Variants in SLC35F1 observed in about 807,000 individuals in gnomAD.
The protein encoded by SLC35F1 is chromosome 6 open reading frame 169.
A neutral mutation model predicts 48.7 loss-of-function variants in SLC35F1; 14 were observed. The ratio of observed to expected loss-of-function variants is 0.29; its 90% confidence interval spans 0.19 to 0.45. The LOEUF is 0.45. SLC35F1 is among the 20% of genes least tolerant of loss of function. The pLI is 1.00. For synonymous variants in SLC35F1, 190 were observed against 202.2 expected, an observed-to-expected ratio of 0.94 and a Z score of 0.51; for missense variants, 404 against 500.0, an observed-to-expected ratio of 0.81 and a Z score of 1.83.
At chr6:117,915,605 A>C (rs1416990733) in intron 1 of SLC35F1, among the ~76,000 whole-genome samples, 7 of 152,190 alleles carry the variant, frequency 4.6e-5, no homozygotes, top group Non-Finnish European at 1.0e-4. Flanking sequence ...ATACAAAGGG[A>C]AGAAGAGGGA....
At chr6:118,068,882 T>G (rs1244720209) in intron 1 of SLC35F1, among the ~76,000 whole-genome samples, 1 of 152,196 alleles carries the variant, frequency 6.6e-6, no homozygotes, top group Non-Finnish European at 1.5e-5. Flanking sequence ...ACAAATTCCA[T>G]TATTTTCTCT....
intron 3 of SLC35F1, among the ~76,000 whole-genome samples, chr6:118,245,165 T>G (rs1043851871): frequency 2.0e-5 from 3 of 152,244 alleles, no homozygotes; most frequent in African/African-American, 7.2e-5. Context: ...TTCTTTATAT[T>G]CTATAATCGA....
chr6:118,303,985 G>A (rs1201828463), intron 7 of SLC35F1, among the ~76,000 whole-genome samples: 1 of 152,168 alleles, frequency 6.6e-6, no homozygotes, highest in African/African-American at 2.4e-5. Flanking sequence ...AAGCACATCT[G>A]CAAACACTCT....
Position 118,212,751 on chromosome 6 carries a change from G to GA in SLC35F1, c.350-22756dup, listed in dbSNP as rs1329703636. On this transcript the variant is annotated intron_variant, in intron 2 of 7. Transcript: ENST00000360388. ...GAAAGGAAGGAAGGAAGGAAGGAAG[G>GA]AAGGAAGGAAGGAAGGAAGGAAGGA... 3.4e-4 allele frequency among the ~76,000 whole-genome samples: 49 copies of GA among 144,728 alleles called. 1 individual carries two copies. Among genetic ancestry groups the GA allele is most frequent in the African/African-American group, 1.1e-3 (44 of 38,804 alleles). The allele number at this position is 144,728 out of a possible 152,430, so 94.9% of individuals were successfully genotyped here.
At chr6:118,056,995 G>C (rs9401052) in intron 1 of SLC35F1, among the ~76,000 whole-genome samples, 37,590 of 151,880 alleles carry the variant, frequency 0.25, 4,857 homozygotes, top group East Asian at 0.35. Context: ...AGCAAACAAG[G>C]ATAGTAAGAA....
chr6:118,303,815 G>A (rs376131036), intron 7 of SLC35F1, among the ~76,000 whole-genome samples: 2 of 152,076 alleles, frequency 1.3e-5, no homozygotes, highest in South Asian at 4.1e-4. Context: ...TTGGACCATG[G>A]TCCCACCCTT....
chr6:118,305,807 C>A (rs771614932), intron 7 of SLC35F1, among the ~76,000 whole-genome samples: 1 of 152,142 alleles, frequency 6.6e-6, no homozygotes, highest in Non-Finnish European at 1.5e-5. Flanking sequence ...ATGACAATTA[C>A]GGTCCTCGTT....
intron 3 of SLC35F1, among the ~76,000 whole-genome samples, chr6:118,254,667 A>G (rs281866): frequency 0.64 from 96,830 of 152,054 alleles, 31,413 homozygotes; most frequent in African/African-American, 0.73. Flanking sequence ...TTTTGAAATT[A>G]TTTCTCCATA....
At chr6:117,924,387 A>G (rs1205072989) in intron 1 of SLC35F1, among the ~76,000 whole-genome samples, 19 of 145,128 alleles carry the variant, frequency 1.3e-4, no homozygotes, top group African/African-American at 4.4e-4. Flanking sequence ...GCATATGTAT[A>G]TACACACATA....
chr6:118,292,811 A>G (rs1562353241), intron 7 of SLC35F1, among the ~76,000 whole-genome samples: 1 of 151,860 alleles, frequency 6.6e-6, no homozygotes, highest in African/African-American at 2.4e-5. Context: ...GTAAAGCCCC[A>G]TGTTCCTGGG....
intron 1 of SLC35F1, among the ~76,000 whole-genome samples, chr6:118,081,513 T>G (rs1772908215): frequency 6.6e-6 from 1 of 151,982 alleles, no homozygotes; most frequent in Admixed American, 6.6e-5. Flanking sequence ...CATGCACCTG[T>G]AGTCCCAGCT....
intron 7 of SLC35F1, among the ~76,000 whole-genome samples, chr6:118,310,307 T>C (rs1776358195): frequency 6.6e-6 from 1 of 152,190 alleles, no homozygotes; most frequent in African/African-American, 2.4e-5. Flanking sequence ...TCCTGATGTC[T>C]TTCCTTGGGG....
chr6:118,116,155 C>T (rs988637325), intron 1 of SLC35F1, among the ~76,000 whole-genome samples: 10 of 152,076 alleles, frequency 6.6e-5, no homozygotes, highest in African/African-American at 1.9e-4. Context: ...GCTCCCTGCC[C>T]GCAATAGGGA....
Position 117,978,902 on chromosome 6 carries a change from C to A in SLC35F1, c.173+71003C>A, listed in dbSNP as rs192774862. Among the ~76,000 whole-genome samples, 14 of 151,488 alleles carry A rather than the reference C, an allele frequency of 9.2e-5. No homozygotes were observed. In the East Asian group the frequency reaches 1.2e-3, roughly 13 times the overall value. ...GACATCCCATGTTTTATGTGACAAC[C>A]CTGCCCTCATCCTGTGGCTCATTTC... is the stretch of plus-strand genomic sequence containing the variant. On this transcript the variant is annotated intron_variant, in intron 1 of 7. Transcript: ENST00000360388.
intron 2 of SLC35F1, among the ~76,000 whole-genome samples, chr6:118,161,862 A>T (rs1227271675): frequency 6.6e-6 from 1 of 152,204 alleles, no homozygotes; most frequent in Non-Finnish European, 1.5e-5. Flanking sequence ...ATTAGAATCC[A>T]CTTCTAGCAA....
intron 1 of SLC35F1, chr6:117,999,325 G>C: frequency 3.1e-6 from 5 of 1,595,748 alleles, no homozygotes; most frequent in South Asian, 1.1e-5. Flanking sequence ...AGGGGCTCAG[G>C]CTGTGCCGGC....
intron 1 of SLC35F1, among the ~76,000 whole-genome samples, chr6:117,964,592 G>A (rs1231462680): frequency 6.6e-6 from 1 of 152,194 alleles, no homozygotes; most frequent in Non-Finnish European, 1.5e-5. Context: ...TTGACTGATA[G>A]TGACTAGTCA....
chr6:118,102,344 C>G (rs1030367742), intron 1 of SLC35F1, among the ~76,000 whole-genome samples: 1 of 152,114 alleles, frequency 6.6e-6, no homozygotes, highest in African/African-American at 2.4e-5. Flanking sequence ...CCGCCACACC[C>G]AGCTAAGTTT....
At chr6:118,011,577 A>T (rs895788901) in intron 1 of SLC35F1, among the ~76,000 whole-genome samples, 3 of 152,172 alleles carry the variant, frequency 2.0e-5, no homozygotes, top group Non-Finnish European at 2.9e-5. Flanking sequence ...GCCAAACCAT[A>T]TCAATTGCGG....
Sources: gnomAD v4.1 joint callset for allele counts (sites outside exome capture counted in the v4.1 genomes callset) on GRCh38, gnomAD v4.1.1 for gene constraint, MANE v1.5 for transcripts, NCBI Gene and HGNC (gene_info 2026-07-23, HGNC 2026-07-21) for gene names.